The following DNAI7 variants were observed in gnomAD, a reference collection of about 807,000 sequenced individuals.
DNAI7 encodes the protein cancer susceptibility 1.
DNAI7 carries 78 observed loss-of-function variants against 86.6 expected under a neutral mutation model. The ratio of observed to expected loss-of-function variants is 0.90; its 90% CI spans 0.75 to 1.09. DNAI7 has a LOEUF of 1.09. Among genes scored for constraint, DNAI7 ranks in the 50% least tolerant of loss-of-function variants. The pLI is 0.00. For missense variants in DNAI7, 753 were observed against 810.2 expected, an observed-to-expected ratio of 0.93 and a Z score of 0.86; for synonymous variants, 274 against 273.0, an observed-to-expected ratio of 1.00 and a Z score of -0.04.
At chr12:25,177,067 T>C (rs1160452016) in intron 2 of DNAI7, among the ~76,000 whole-genome samples, 3 of 152,148 alleles carry the variant, frequency 2.0e-5, no homozygotes, top group East Asian at 1.9e-4. Context: ...CCTGCCTGGC[T>C]AATTTTTGTA....
chr12:25,152,462 A>T (rs773894303), intron 6 of DNAI7, among the ~76,000 whole-genome samples: 5 of 152,236 alleles, frequency 3.3e-5, no homozygotes, highest in Non-Finnish European at 7.3e-5. Context: ...GAGGTGCTGG[A>T]AGGGTGGTGT....
At chr12:25,177,535 T>C (rs1409165807) in intron 2 of DNAI7, among the ~76,000 whole-genome samples, 1 of 152,226 alleles carries the variant, frequency 6.6e-6, no homozygotes, top group African/African-American at 2.4e-5. Flanking sequence ...TAGTAATCCA[T>C]TGATTTATTT....
downstream of DNAI7, chr12:25,107,828 T>C (rs1949310277): frequency 1.2e-6 from 2 of 1,613,470 alleles, no homozygotes; most frequent in South Asian, 2.2e-5. Flanking sequence ...TATGACACAA[T>C]AGCTTCCTGG....
chr12:25,108,014 T>C (rs773812100), downstream of DNAI7: 4 of 1,614,026 alleles, frequency 2.5e-6, no homozygotes, highest in Non-Finnish European at 3.4e-6. Flanking sequence ...GAACATATCT[T>C]GTGGCCATTT....
At chr12:25,121,206 A>G (rs1941243170) in intron 11 of DNAI7, among the ~76,000 whole-genome samples, 1 of 152,220 alleles carries the variant, frequency 6.6e-6, no homozygotes, top group Admixed American at 6.5e-5. Flanking sequence ...GAGGATGCTG[A>G]TGCCTCTGCT....
At chr12:25,181,220 C>T (rs1384615904) in intron 2 of DNAI7, among the ~76,000 whole-genome samples, 1 of 152,154 alleles carries the variant, frequency 6.6e-6, no homozygotes, top group African/African-American at 2.4e-5. Context: ...ACGCAATTCT[C>T]CCACCTCAGC....
rs138119324 is a variant in DNAI7 at position 25,123,287 on chromosome 12, C to G, written c.1003-1G>C. 19 of 1,599,676 alleles carry G rather than the reference C, an allele frequency of 1.2e-5. No homozygotes were observed. The African/African-American group carries it at 2.3e-4, about 19-fold the overall frequency. On this transcript the variant is annotated splice_acceptor_variant, in intron 9 of 15. Coordinates refer to ENST00000395987, the MANE Select transcript of DNAI7 (RefSeq NM_018272.5). LOFTEE classifies it high-confidence loss of function. Reference sequence around the variant, plus strand: ...CTTCAGATTCTTCCTCAGCAGAACTCTATAAAAAACCACAGACATATGGGT... The same window carrying G: ...CTTCAGATTCTTCCTCAGCAGAACTGTATAAAAAACCACAGACATATGGGT...
At chr12:25,158,147 T>G (rs1946414570) in intron 4 of DNAI7, among the ~76,000 whole-genome samples, 1 of 151,756 alleles carries the variant, frequency 6.6e-6, no homozygotes, top group South Asian at 2.1e-4. Context: ...GAGAATGGCG[T>G]GAACCCAGGA....
chr12:25,176,347 C>T (rs977680104), intron 2 of DNAI7, among the ~76,000 whole-genome samples: 1 of 151,948 alleles, frequency 6.6e-6, no homozygotes, highest in African/African-American at 2.4e-5. Context: ...AAATTCTGTT[C>T]TAGATTGAGT....
chr12:25,133,631 C>T (rs1264082522), intron 9 of DNAI7, among the ~76,000 whole-genome samples: 1 of 152,204 alleles, frequency 6.6e-6, no homozygotes, highest in Admixed American at 6.5e-5. Flanking sequence ...ATCATACATA[C>T]TTCAGCATTA....
rs372346288 is a variant in DNAI7 at position 25,159,546 on chromosome 12, A to G, written c.107-983T>C. ...TCTCCAAAAGGTTTATAGCAATCCA[A>G]TAGTGATTTTAACCAATAAGGTATG... On this transcript the variant is annotated intron_variant, in intron 3 of 15. Coordinates refer to ENST00000395987, the MANE Select transcript of DNAI7 (RefSeq NM_018272.5). 2.4e-4 allele frequency among the ~76,000 whole-genome samples: 37 copies of G among 152,324 alleles called. No individual in the cohort carries two copies. In the South Asian group the frequency reaches 7.5e-3, roughly 31 times the overall value.
intron 6 of DNAI7, among the ~76,000 whole-genome samples, chr12:25,151,257 GTGT>G (rs745966513): frequency 2.4e-4 from 36 of 152,066 alleles, no homozygotes; most frequent in Non-Finnish European, 4.3e-4. Context: ...CTATCTCCTA[GTGT>G]TATTATGAGA....
At chr12:25,107,528 C>T (rs1949270921), downstream of DNAI7, among the ~76,000 whole-genome samples, 1 of 151,472 alleles carries the variant, frequency 6.6e-6, no homozygotes, top group South Asian at 2.1e-4. Context: ...GAATATGTTG[C>T]CTTACCTTAC....
intron 2 of DNAI7, among the ~76,000 whole-genome samples, chr12:25,189,782 C>T (rs980507023): frequency 2.0e-5 from 3 of 151,928 alleles, no homozygotes; most frequent in Non-Finnish European, 4.4e-5. Flanking sequence ...CTGTTGGGAC[C>T]AAGCAGGTAA....
intron 2 of DNAI7, among the ~76,000 whole-genome samples, chr12:25,175,023 G>A (rs1049730909): frequency 3.3e-5 from 5 of 151,702 alleles, no homozygotes; most frequent in Non-Finnish European, 2.9e-5. Context: ...ATACTGCTCG[G>A]GTGATGGGTG....
At chr12:25,142,454 A>T (rs1187436286) in intron 9 of DNAI7, among the ~76,000 whole-genome samples, 1 of 151,794 alleles carries the variant, frequency 6.6e-6, no homozygotes, top group Non-Finnish European at 1.5e-5. Flanking sequence ...GAACTTATCC[A>T]TGTAACCAAA....
chr12:25,129,204 C>A (rs1478007117), intron 9 of DNAI7, among the ~76,000 whole-genome samples: 1 of 152,188 alleles, frequency 6.6e-6, no homozygotes, highest in Non-Finnish European at 1.5e-5. Context: ...TCCCTAACTA[C>A]CCAATGTAAA....
At chr12:25,174,746 T>C (rs1948769635) in intron 2 of DNAI7, among the ~76,000 whole-genome samples, 2 of 145,312 alleles carry the variant, frequency 1.4e-5, no homozygotes, top group Admixed American at 7.1e-5. Context: ...GGAATATATA[T>C]ATCATATATA....
rs370400419 is a variant in DNAI7, at chr12:25,171,026, G to A, written c.22-9829C>T. On this transcript the variant is annotated intron_variant, in intron 2 of 15. Coordinates refer to ENST00000395987, the MANE Select transcript of DNAI7 (RefSeq NM_018272.5). ...CCTAAATGCCTACATCAAAAAATCT[G>A]AAAGAGCACAAACAGGCAATCTAAG... is the stretch of plus-strand genomic sequence containing the variant. Among the ~76,000 whole-genome samples, 8 of 152,154 alleles carry A rather than the reference G, an allele frequency of 5.3e-5. No individual in the cohort carries two copies. In the East Asian group the frequency reaches 1.5e-3, roughly 29 times the overall value.
Sources: gnomAD v4.1 joint callset for allele counts (sites outside exome capture counted in the v4.1 genomes callset) on GRCh38, gnomAD v4.1.1 for gene constraint, MANE v1.5 for transcripts, NCBI Gene and HGNC (gene_info 2026-07-23, HGNC 2026-07-21) for gene names.